CDC42EP3: variants seen among roughly 807,000 people sequenced by gnomAD.
CDC42EP3 encodes CDC42 effector protein 3.
A neutral mutation model predicts 15.5 loss-of-function variants in CDC42EP3; 4 were observed. The ratio of observed to expected loss-of-function variants is 0.26; its 90% CI spans 0.13 to 0.59. The LOEUF is 0.59. Ranked by LOEUF, CDC42EP3 falls within the 20% of genes least tolerant of loss-of-function variation. The probability of loss-of-function intolerance (pLI) is 0.89; values close to 1 mark genes in which losing one functional copy is unlikely to be tolerated. For missense variants in CDC42EP3, 309 were observed against 311.2 expected (o/e 0.99, Z 0.05); for synonymous variants, 145 against 130.3 (o/e 1.11, Z -0.77).
In CDC42EP3 at chr2:37,646,589, T is replaced by C. The variant is rs757347806; in HGVS notation, c.-2A>G. The stretch of plus-strand genomic sequence containing the variant: ...GTAAATTGGGGTCTTGGCTGGCATT[T>C]TGGAATTTGAGAATGTCTATTTTGC... On this transcript the variant is annotated 5_prime_UTR_variant, in exon 2 of 2. Transcript: ENST00000295324. The C allele has an allele frequency of 1.0e-5, 16 of 1,530,308 alleles. No homozygotes were observed. Among genetic ancestry groups the C allele is most frequent in the South Asian group, 9.2e-5 (7 of 76,422 alleles). 94.8% of individuals were successfully genotyped at this position (1,530,308 alleles called of 1,614,324 possible). A position where few individuals can be genotyped will look rare whatever the true frequency, so the allele number is the denominator to read the frequency against.
At chr2:37,666,599 C>CT (rs931897356) in intron 1 of CDC42EP3, among the ~76,000 whole-genome samples, 11 of 152,330 alleles carry the variant, frequency 7.2e-5, no homozygotes, top group African/African-American at 2.4e-4. Context: ...GCAGTAAGGA[C>CT]TAAGCAAACA....
chr2:37,646,457 A>G lies in CDC42EP3; in HGVS notation c.131T>C (p.Ile44Thr). ...PLGDFRHTIH[I>T]GKEGQHDVFG... ...GACATCGTGCTGGCCCTCTTTGCCA[A>G]TGTGGATGGTGTGGCGAAAGTCTCC... The change falls in exon 2 of 2, where the codon ATT becomes ACT. Residue 44 changes from isoleucine (I) to threonine (T), a missense_variant. Coordinates refer to ENST00000295324, the MANE Select transcript of CDC42EP3 (RefSeq NM_006449.5). The G allele has an allele frequency of 6.2e-7, 1 of 1,614,180 alleles. No individual in the cohort carries two copies. Among genetic ancestry groups the G allele is most frequent in the Non-Finnish European group, 8.5e-7 (1 of 1,180,014 alleles).
At chr2:37,665,316 T>C (rs1488519329) in intron 1 of CDC42EP3, among the ~76,000 whole-genome samples, 1 of 142,948 alleles carries the variant, frequency 7.0e-6, no homozygotes, top group Non-Finnish European at 1.5e-5. Flanking sequence ...CACTCTGCCA[T>C]TTTTTTTCAC....
rs149660225 is a variant in CDC42EP3 at position 37,650,217 on chromosome 2, G to A, written c.-235-3395C>T. Among the ~76,000 whole-genome samples the A allele has an allele frequency of 3.4e-3, 513 of 152,238 alleles. 6 individuals are homozygous for A. The highest frequency in any genetic ancestry group is 0.012 in the African/African-American group (490 of 41,560). ...TTGATCCCAGGAGAGTCAATCCAAC[G>A]CTGATAATCCAATGCCCATAATTTC... On this transcript the variant is annotated intron_variant, in intron 1 of 1. Coordinates refer to ENST00000295324, the MANE Select transcript of CDC42EP3 (RefSeq NM_006449.5).
In CDC42EP3 at chr2:37,660,346, A is replaced by C. The variant is rs542461363; in HGVS notation, c.-236+11080T>G. The stretch of plus-strand genomic sequence containing the variant: ...TTGATTAGAAGTTAATTCCCCTGTC[A>C]ATGGGACATAGGGCTGGGGCTATCT... On this transcript the variant is annotated intron_variant, in intron 1 of 1. Transcript: ENST00000295324. 5.9e-5 allele frequency among the ~76,000 whole-genome samples: 9 copies of C among 152,338 alleles called. No homozygotes were observed. In the South Asian group the frequency reaches 1.9e-3, roughly 32 times the overall value.
At chr2:37,670,815 C>T (rs189670100) in intron 1 of CDC42EP3, among the ~76,000 whole-genome samples, 121 of 152,286 alleles carry the variant, frequency 7.9e-4, no homozygotes, top group African/African-American at 2.7e-3. Context: ...ATCCATTCAT[C>T]CTCACATGTC....
intron 1 of CDC42EP3, chr2:37,647,587 T>C (rs2124610716): frequency 6.6e-6 from 1 of 152,316 alleles, no homozygotes; most frequent in South Asian, 2.1e-4. Context: ...TGGGAACACT[T>C]CTGAAACATT....
At chr2:37,661,520 C>T (rs1235307970) in intron 1 of CDC42EP3, among the ~76,000 whole-genome samples, 1 of 152,144 alleles carries the variant, frequency 6.6e-6, no homozygotes, top group African/African-American at 2.4e-5. Context: ...GACCGAGAGC[C>T]GGGGCTGGAT....
intron 1 of CDC42EP3, among the ~76,000 whole-genome samples, chr2:37,670,287 C>T: frequency 6.6e-6 from 1 of 152,190 alleles, no homozygotes; most frequent in East Asian, 1.9e-4. Flanking sequence ...TCCCAAGAAA[C>T]TCTTGGATAT....
chr2:37,655,274 C>T (rs745941457), intron 1 of CDC42EP3, among the ~76,000 whole-genome samples: 1 of 152,206 alleles, frequency 6.6e-6, no homozygotes, highest in Admixed American at 6.5e-5. Context: ...TTTTAAAGGA[C>T]TTTCATTTGT....
intron 1 of CDC42EP3, among the ~76,000 whole-genome samples, chr2:37,664,811 A>G (rs1666201613): frequency 6.6e-6 from 1 of 152,164 alleles, no homozygotes; most frequent in African/African-American, 2.4e-5. Flanking sequence ...CTGACGCAGG[A>G]GCAGAAAACC....
intron 1 of CDC42EP3, among the ~76,000 whole-genome samples, chr2:37,663,199 A>C (rs1239737612): frequency 1.3e-5 from 2 of 150,602 alleles, no homozygotes; most frequent in Non-Finnish European, 3.0e-5. Flanking sequence ...CAAAACAAAA[A>C]AAACAAACCA....
At chr2:37,666,501 T>A (rs1666254086) in intron 1 of CDC42EP3, among the ~76,000 whole-genome samples, 1 of 152,190 alleles carries the variant, frequency 6.6e-6, no homozygotes, top group African/African-American at 2.4e-5. Context: ...TTATCCAATA[T>A]GGAAATAAAA....
intron 1 of CDC42EP3, among the ~76,000 whole-genome samples, chr2:37,649,585 G>A (rs931011663): frequency 3.3e-5 from 5 of 151,506 alleles, no homozygotes; most frequent in Non-Finnish European, 7.4e-5. Context: ...AGGAGGAAGA[G>A]CAAAGGGGGA....
At chr2:37,656,990 A>ACCCC (rs1558340416) in intron 1 of CDC42EP3, among the ~76,000 whole-genome samples, 2 of 42,336 alleles carry the variant, frequency 4.7e-5, no homozygotes, top group African/African-American at 1.7e-4. Flanking sequence ...CCCCCCCCCC[A>ACCCC]CCCCCCGCCC....
intron 1 of CDC42EP3, among the ~76,000 whole-genome samples, chr2:37,652,904 C>T (rs1435383990): frequency 6.6e-6 from 1 of 152,128 alleles, no homozygotes; most frequent in Non-Finnish European, 1.5e-5. Context: ...TCTACTCCCA[C>T]TATCTTACCT....
chr2:37,655,297 G>A (rs1042880370), intron 1 of CDC42EP3, among the ~76,000 whole-genome samples: 1 of 152,188 alleles, frequency 6.6e-6, no homozygotes, highest in African/African-American at 2.4e-5. Context: ...TTCAGCTACA[G>A]CTTGAATTTA....
upstream of CDC42EP3, chr2:37,671,651 G>A (rs1666425386): frequency 1.3e-5 from 2 of 152,426 alleles, no homozygotes; most frequent in African/African-American, 2.4e-5. Flanking sequence ...CTGAGCGCGG[G>A]GCGGCCGGAC....
In CDC42EP3 at chr2:37,646,077, A is replaced by G. The variant is rs753845376; in HGVS notation, c.511T>C (p.Ser171Pro). 5.0e-6 allele frequency: 8 copies of G among 1,614,048 alleles called. No homozygotes were observed. In the Admixed American group the frequency reaches 1.3e-4, roughly 27 times the overall value. The change falls in exon 2 of 2, where the codon TCG (serine) becomes CCG (proline). Residue 171 changes from serine (S) to proline (P), a missense_variant. By Grantham distance (74) the Ser-to-Pro change is moderately conservative. Coordinates refer to ENST00000295324, the MANE Select transcript of CDC42EP3 (RefSeq NM_006449.5). ...GATGCAGAACCGCTGGAGCCCCACG[A>G]GGTGTCTCCCTGGTGGACTGTCCCA... The part of the protein sequence containing the change: ...ENGTVHQGDT[S>P]WGSSGSASQS...
Sources: allele counts gnomAD v4.1 joint callset (sites outside exome capture counted in the v4.1 genomes callset), GRCh38; gene constraint gnomAD v4.1.1; transcripts MANE v1.5; gene names NCBI Gene and HGNC (gene_info 2026-07-23, HGNC 2026-07-21).